ZWILCH: variants seen among roughly 807,000 people sequenced by gnomAD.
ZWILCH encodes the protein protein zwilch homolog.
Under a neutral mutation model 79.9 loss-of-function variants are expected in ZWILCH, and 74 were observed. The observed-to-expected ratio is 0.93, with a 90% CI of 0.77 to 1.12. The LOEUF (loss-of-function observed/expected upper bound fraction) is 1.12, where lower values mean the gene tolerates loss of function less well. Among genes scored for constraint, ZWILCH ranks in the 50% most tolerant of loss-of-function variants. The pLI, the probability that ZWILCH is intolerant of heterozygous loss-of-function variation, is 0.00. For missense variants in ZWILCH, 694 were observed against 687.5 expected (o/e 1.01, Z -0.11); for synonymous variants, 241 against 228.2 (o/e 1.06, Z -0.51).
At chr15:66,525,802 C>T (rs971215854) in intron 8 of ZWILCH, among the ~76,000 whole-genome samples, 1 of 146,628 alleles carries the variant, frequency 6.8e-6, no homozygotes, top group Non-Finnish European at 1.5e-5. Flanking sequence ...CACTCTGTCA[C>T]CCAGCCTGGA....
Position 66,532,216 on chromosome 15 carries a change from C to T in ZWILCH, c.1156-31C>T, listed in dbSNP as rs563284860. 30 of 1,511,936 alleles carry T rather than the reference C, an allele frequency of 2.0e-5. 1 individual carries two copies. In the South Asian group the frequency reaches 3.3e-4, roughly 17 times the overall value. 93.7% of individuals were successfully genotyped at this position (1,511,936 alleles called of 1,614,324 possible). ...TGTTGGGTTTATTTATATATTTATTCATGGTTTTATAAAATTTTCCTGATT... is the reference window on the plus strand; with the variant it reads ...TGTTGGGTTTATTTATATATTTATTTATGGTTTTATAAAATTTTCCTGATT... On this transcript the variant is annotated intron_variant, in intron 12 of 18. Coordinates refer to ENST00000307897, the MANE Select transcript of ZWILCH (RefSeq NM_017975.5).
intron 10 of ZWILCH, among the ~76,000 whole-genome samples, chr15:66,528,139 T>C (rs965971800): frequency 4.6e-5 from 7 of 152,212 alleles, no homozygotes; most frequent in African/African-American, 1.7e-4. Flanking sequence ...GGTCTTGCTC[T>C]GTCACCCAGG....
intron 1 of ZWILCH, among the ~76,000 whole-genome samples, chr15:66,508,278 G>A (rs1002292416): frequency 2.0e-5 from 3 of 152,116 alleles, no homozygotes; most frequent in Admixed American, 2.0e-4. Context: ...ATAATTAAAT[G>A]ATATCCTGGA....
chr15:66,532,286 C>G lies in ZWILCH; in HGVS notation c.1195C>G (p.His399Asp), dbSNP rs749642463. The G allele has an allele frequency of 6.2e-7, 1 of 1,605,326 alleles. No homozygotes were observed. The highest frequency in any genetic ancestry group is 8.5e-7 in the Non-Finnish European group (1 of 1,176,340). ...GSNSLLSKLI[H>D]QSYHGTMDTV... ...TAACAGTTTACTAAGTAAGCTCATTCATCAGTCTTATCATGGAACCATGGA... is the reference window on the plus strand; with the variant it reads ...TAACAGTTTACTAAGTAAGCTCATTGATCAGTCTTATCATGGAACCATGGA... Residue 399 changes from histidine (H) to aspartate (D), a missense_variant, in exon 13 of 19, where the codon CAT becomes GAT. Physicochemically the swap from His to Asp is moderately conservative, Grantham distance 81 (BLOSUM62 -1). Transcript: ENST00000307897.
chr15:66,531,456 A>G (rs934755882), intron 12 of ZWILCH, among the ~76,000 whole-genome samples: 3 of 151,806 alleles, frequency 2.0e-5, no homozygotes, highest in Admixed American at 2.0e-4. Flanking sequence ...TTTAAATTTT[A>G]TTTTATTTTA....
chr15:66,526,498 C>T (rs138646703), intron 8 of ZWILCH, among the ~76,000 whole-genome samples: 9 of 151,476 alleles, frequency 5.9e-5, no homozygotes, highest in Admixed American at 2.0e-4. Flanking sequence ...CTTGCTCTGT[C>T]GCCCAGGCTG....
chr15:66,517,430 GTATATA>G (rs1555424251), intron 4 of ZWILCH, among the ~76,000 whole-genome samples: 1,635 of 66,530 alleles, frequency 0.025, 69 homozygotes, highest in African/African-American at 0.094. Flanking sequence ...GTGTGTGTGT[GTATATA>G]TATATATATA....
In ZWILCH at chr15:66,523,720, A is replaced by T; in HGVS notation, c.791A>T (p.His264Leu). Residue 264 changes from histidine to leucine, a missense_variant, in exon 8 of 19, where the codon CAT becomes CTT. Physicochemically the swap from His to Leu is moderately conservative, Grantham distance 99 (BLOSUM62 -3). Coordinates refer to ENST00000307897, the MANE Select transcript of ZWILCH (RefSeq NM_017975.5). ...ESGEPRGPLN[H>L]LYRELKFLLV... is the part of the protein sequence containing the mutation. ...GGAGAGCCCAGAGGTCCTTTGAATCATCTCTACAGAGAACTGAAATTTCTT... is the reference window on the plus strand; with the variant it reads ...GGAGAGCCCAGAGGTCCTTTGAATCTTCTCTACAGAGAACTGAAATTTCTT... 1 of 1,612,546 alleles carries T rather than the reference A, an allele frequency of 6.2e-7. No homozygotes were observed. Among genetic ancestry groups the T allele is most frequent in the Non-Finnish European group, 8.5e-7 (1 of 1,179,010 alleles).
At chr15:66,527,141 G>A (rs990686599) in intron 8 of ZWILCH, 149 bp from the exon 9 acceptor site, 3 of 616,482 alleles carry the variant, frequency 4.9e-6, no homozygotes, top group Non-Finnish European at 5.8e-6. Context: ...TAAATAACAT[G>A]TACTATACAT....
intron 5 of ZWILCH, 86 bp downstream of exon 5, chr15:66,519,164 G>A: frequency 7.4e-7 from 1 of 1,358,020 alleles, no homozygotes; most frequent in Non-Finnish European, 1.0e-6. Flanking sequence ...AATTGATATT[G>A]TTATGATGAA....
At chr15:66,530,058 AT>A (rs1894812174) in intron 12 of ZWILCH, among the ~76,000 whole-genome samples, 1 of 152,220 alleles carries the variant, frequency 6.6e-6, no homozygotes, top group Admixed American at 6.5e-5. Context: ...GACTTTATGT[AT>A]CAGAATAGTC....
intron 12 of ZWILCH, among the ~76,000 whole-genome samples, chr15:66,529,801 C>T (rs1894805358): frequency 6.6e-6 from 1 of 152,146 alleles, no homozygotes; most frequent in African/African-American, 2.4e-5. Context: ...TAATGTTATC[C>T]ATGTAATGCA....
At chr15:66,510,576 C>T (rs547965356) in intron 2 of ZWILCH, among the ~76,000 whole-genome samples, 2 of 152,254 alleles carry the variant, frequency 1.3e-5, no homozygotes, top group African/African-American at 4.8e-5. Flanking sequence ...TGAATTCTTG[C>T]TGCTTGATAT....
chr15:66,536,032 A>C lies in ZWILCH; in HGVS notation c.1441A>C (p.Ile481Leu). ...LEILVSCMPF[I>L]KSQHELLFSL... is the part of the protein sequence containing the mutation. ...AATATTAGTCAGTTGCATGCCTTTC[A>C]TTAAATCTCAACATGAACTCCTCTT... The change falls in exon 15 of 19, where the codon ATT (isoleucine) becomes CTT (leucine). Residue 481 changes from isoleucine (I) to leucine (L), a missense_variant. By Grantham distance (5) the Ile-to-Leu change is conservative. Transcript: ENST00000307897. 1.9e-6 allele frequency: 3 copies of C among 1,612,212 alleles called. No individual in the cohort carries two copies. Among genetic ancestry groups the C allele is most frequent in the Non-Finnish European group, 2.5e-6 (3 of 1,179,330 alleles).
chr15:66,546,599 G>T lies in ZWILCH; in HGVS notation c.1696G>T (p.Glu566Ter). 1.2e-6 allele frequency: 2 copies of T among 1,604,610 alleles called. No homozygotes were observed. The highest frequency in any genetic ancestry group is 1.7e-6 in the Non-Finnish European group (2 of 1,175,800). The change falls in exon 18 of 19, where the codon GAA becomes TAA. Residue 566 changes from glutamate to a stop codon, truncating the protein, a stop_gained. Coordinates refer to ENST00000307897, the MANE Select transcript of ZWILCH (RefSeq NM_017975.5). LOFTEE classifies it high-confidence loss of function. ...HLNFHKPDFS[E>*]LTLNGSLEER... ...TCTCTTTTTGATTACAGATTTTTCGGAATTAACACTAAACGGTAGCCTGGA... is the reference window on the plus strand; with the variant it reads ...TCTCTTTTTGATTACAGATTTTTCGTAATTAACACTAAACGGTAGCCTGGA...
chr15:66,520,162 C>G (rs1014728517), intron 5 of ZWILCH, among the ~76,000 whole-genome samples: 6 of 151,922 alleles, frequency 3.9e-5, no homozygotes, highest in African/African-American at 1.5e-4. Context: ...ACTCTGTCAC[C>G]CAGGCTGGAG....
intron 4 of ZWILCH, among the ~76,000 whole-genome samples, chr15:66,517,643 G>A (rs1268551794): frequency 6.8e-6 from 1 of 147,768 alleles, no homozygotes; most frequent in Non-Finnish European, 1.5e-5. Context: ...CCTAATCAGA[G>A]CCCATATTCA....
At chr15:66,527,969 A>C in intron 10 of ZWILCH, 57 bp downstream of exon 10, 1 of 1,436,728 alleles carries the variant, frequency 7.0e-7, no homozygotes. Flanking sequence ...AAATTCGGTT[A>C]TGCTGACATC....
Position 66,537,252 on chromosome 15 carries a change from C to T in ZWILCH, c.1563C>T (p.Asn521=), listed in dbSNP as rs140517620. The T allele has an allele frequency of 1.4e-4, 226 of 1,612,464 alleles. No individual in the cohort carries two copies. In the East Asian group the frequency reaches 5.0e-3, roughly 35 times the overall value. Residue 521 remains asparagine, a synonymous_variant, in exon 16 of 19, where the codon AAC becomes AAT. Coordinates refer to ENST00000307897, the MANE Select transcript of ZWILCH (RefSeq NM_017975.5). ...CAGTCAGACCAACTGCTGTAAAGAA[C>T]TTATATCAAAGGTAAGCAATTTTTG... ...QLPVRPTAVK[N]LYQSEKPQKW...
Sources: allele counts gnomAD v4.1 joint callset (sites outside exome capture counted in the v4.1 genomes callset), GRCh38; gene constraint gnomAD v4.1.1; transcripts MANE v1.5; gene names NCBI Gene and HGNC (gene_info 2026-07-23, HGNC 2026-07-21).